Variants in PI16 observed in about 807,000 individuals in gnomAD.
PI16 encodes PSP94-binding protein.
In PI16, 35 loss-of-function variants were observed where a neutral mutation model predicts 38.0. That is an observed-to-expected ratio of 0.92 (90% CI 0.70 to 1.22). PI16 has a LOEUF of 1.22. PI16 is among the 50% of genes most tolerant of loss of function. The pLI is 0.00. For missense variants in PI16, 572 were observed against 593.8 expected, an observed-to-expected ratio of 0.96 and a Z score of 0.38; for synonymous variants, 275 against 252.9, an observed-to-expected ratio of 1.09 and a Z score of -0.83.
At position 36,959,371 on chromosome 6, in the gene PI16, G is replaced by T. The variant is rs940580219; in HGVS notation, c.393+5G>T. ...ATGTGCGGCCACTACACGCAGGTGT[G>T]GGCCCGGCGGGCGAGGCGGGGCGGA... On this transcript the variant is annotated splice_donor_5th_base_variant and intron_variant, in intron 2 of 6. Transcript: ENST00000373674. 1.6e-5 allele frequency: 24 copies of T among 1,545,454 alleles called. No individual in the cohort carries two copies. The highest frequency in any genetic ancestry group is 2.0e-5 in the Admixed American group (1 of 51,034).
chr6:36,956,720 T>C (rs1035286517), intron 1 of PI16, among the ~76,000 whole-genome samples: 1 of 152,234 alleles, frequency 6.6e-6, no homozygotes, highest in Admixed American at 6.5e-5. Context: ...AGTGGGATAA[T>C]TCCCTTGTAG....
intron 5 of PI16, 64 bp downstream of exon 5, chr6:36,963,676 C>T: frequency 1.3e-6 from 2 of 1,574,676 alleles, no homozygotes; most frequent in South Asian, 1.2e-5. Context: ...CCTGCCCCAG[C>T]ATAGGTGGTA....
In PI16 at chr6:36,963,875, T is replaced by G. The variant is rs1290861909; in HGVS notation, c.1323T>G (p.Pro441=). ...PSVVSGLNSG[P]GHVWGPLLGL... ...TCGTGTCAGGGCTGAACTCGGGCCC[T>G]GGTCATGTGTGGGGCCCTCTCCTGG... Residue 441 remains proline, a synonymous_variant, in exon 6 of 7, where the codon CCT becomes CCG. Transcript: ENST00000373674. 2 of 1,613,576 alleles carry G rather than the reference T, an allele frequency of 1.2e-6. No homozygotes were observed. Among genetic ancestry groups the G allele is most frequent in the Non-Finnish European group, 1.7e-6 (2 of 1,179,810 alleles).
chr6:36,955,829 G>T (rs1238937812), intron 1 of PI16, among the ~76,000 whole-genome samples: 1 of 152,286 alleles, frequency 6.6e-6, no homozygotes, highest in East Asian at 1.9e-4. Context: ...AGGGTGAGAG[G>T]CGGGCTGTCT....
chr6:36,961,394 A>T, intron 2 of PI16, 57 bp from the exon 3 acceptor site: 2 of 1,481,878 alleles, frequency 1.3e-6, no homozygotes, highest in Non-Finnish European at 9.4e-7. Flanking sequence ...GTGGGATGCC[A>T]GGAAGGCACC....
At chr6:36,955,322 T>C (rs1290577994) in intron 1 of PI16, among the ~76,000 whole-genome samples, 2 of 152,138 alleles carry the variant, frequency 1.3e-5, no homozygotes, top group African/African-American at 4.8e-5. Context: ...GGGAAGTTCT[T>C]AACACCTTTG....
intron 1 of PI16, among the ~76,000 whole-genome samples, chr6:36,956,594 TG>T (rs1468828254): frequency 1.3e-5 from 2 of 152,254 alleles, no homozygotes; most frequent in Admixed American, 6.5e-5. Context: ...GCAGGGACTC[TG>T]CAGCCAAATG....
chr6:36,956,226 G>C (rs1258153249), intron 1 of PI16, among the ~76,000 whole-genome samples: 1 of 152,200 alleles, frequency 6.6e-6, no homozygotes, highest in Non-Finnish European at 1.5e-5. Flanking sequence ...GTTCACAGCT[G>C]TGCCAGCCTG....
At chr6:36,957,342 G>A (rs927921697) in intron 1 of PI16, among the ~76,000 whole-genome samples, 29 of 152,288 alleles carry the variant, frequency 1.9e-4, no homozygotes, top group African/African-American at 6.7e-4. Context: ...CCCTCCAGCT[G>A]ACTAATGCCT....
intron 1 of PI16, among the ~76,000 whole-genome samples, chr6:36,957,440 A>T (rs894943954): frequency 1.3e-5 from 2 of 152,146 alleles, no homozygotes; most frequent in African/African-American, 4.8e-5. Context: ...TACTTGTGGC[A>T]CATCTGTCAT....
At position 36,962,564 on chromosome 6, in the gene PI16, C is replaced by T. The variant is rs1041047572; in HGVS notation, c.593-371C>T. Among the ~76,000 whole-genome samples, 1 of 152,080 alleles carries T rather than the reference C, an allele frequency of 6.6e-6. No individual in the cohort carries two copies. Among genetic ancestry groups the T allele is most frequent in the Non-Finnish European group, 1.5e-5 (1 of 68,022 alleles). Reference sequence around the variant, plus strand: ...CTCGGCTCACCTGCAACCTCCGCCTCCCGGTTTGAAGCAATTCTCCTGCCT... The same window carrying T: ...CTCGGCTCACCTGCAACCTCCGCCTTCCGGTTTGAAGCAATTCTCCTGCCT... On this transcript the variant is annotated intron_variant, in intron 4 of 6. Coordinates refer to ENST00000373674, the MANE Select transcript of PI16 (RefSeq NM_153370.3). This position sits in a 1 kb window ranked among gnomAD's most constrained non-coding sequence, Gnocchi z 4.1.
chr6:36,963,364 T>C lies in PI16; in HGVS notation c.1022T>C (p.Met341Thr). 6.2e-7 allele frequency: 1 copy of C among 1,614,198 alleles called. No individual in the cohort carries two copies. The highest frequency in any genetic ancestry group is 8.5e-7 in the Non-Finnish European group (1 of 1,180,030). ...CCAGAGAACTCTCTGGACCCCAAGA[T>C]GTCCCTGACAGGGGCAAGGGAACTC... Reference protein sequence around the residue: ...RSPENSLDPKMSLTGARELLP... With the variant: ...RSPENSLDPKTSLTGARELLP... The change falls in exon 5 of 7, where the codon ATG becomes ACG. Residue 341 changes from methionine (M) to threonine (T), a missense_variant. Coordinates refer to ENST00000373674, the MANE Select transcript of PI16 (RefSeq NM_153370.3).
At position 36,959,332 on chromosome 6, in the gene PI16, G is replaced by A. The variant is rs866232050; in HGVS notation, c.359G>A (p.Cys120Tyr). ...CACTACAACCTCAGCGCCGCCACCT[G>A]CAGCCCAGGCCAGATGTGCGGCCAC... is the stretch of plus-strand genomic sequence containing the variant. ...REHYNLSAAT[C>Y]SPGQMCGHYT... The change falls in exon 2 of 7, where the codon TGC becomes TAC. Residue 120 changes from cysteine to tyrosine, a missense_variant. Physicochemically the swap from Cys to Tyr is radical, Grantham distance 194. Transcript: ENST00000373674. 1 of 1,569,514 alleles carries A rather than the reference G, an allele frequency of 6.4e-7. No individual in the cohort carries two copies. The highest frequency in any genetic ancestry group is 1.3e-5 in the African/African-American group (1 of 74,162).
upstream of PI16, among the ~76,000 whole-genome samples, chr6:36,950,473 G>T (rs1763081027): frequency 6.6e-6 from 1 of 151,264 alleles, no homozygotes; most frequent in African/African-American, 2.4e-5. This position sits in a 1 kb window ranked among gnomAD's most constrained non-coding sequence, Gnocchi z 4.2. Flanking sequence ...CATTTGGGTT[G>T]TTTCCACCTT....
chr6:36,954,910 G>A lies in PI16; in HGVS notation c.150G>A (p.Thr50=), dbSNP rs756839607. Residue 50 remains threonine (T), a synonymous_variant, in exon 1 of 7, where the codon ACG becomes ACA. Coordinates refer to ENST00000373674, the MANE Select transcript of PI16 (RefSeq NM_153370.3). ...HNLYRAQVSP[T]ASDMLHMRWD... ...TCTACCGGGCCCAGGTATCCCCGACGGCCTCAGACATGCTGCACATGGTAA... is the reference window on the plus strand; with the variant it reads ...TCTACCGGGCCCAGGTATCCCCGACAGCCTCAGACATGCTGCACATGGTAA... 126 of 1,613,154 alleles carry A rather than the reference G, an allele frequency of 7.8e-5. No individual in the cohort carries two copies. The highest frequency in any genetic ancestry group is 1.2e-4 in the South Asian group (11 of 91,032).
chr6:36,953,109 A>C (rs1192074566), upstream of PI16, among the ~76,000 whole-genome samples: 16 of 152,146 alleles, frequency 1.1e-4, no homozygotes, highest in Non-Finnish European at 2.4e-4. Flanking sequence ...CACGAGGTCA[A>C]GAGATCAAGA....
At position 36,961,898 on chromosome 6, in the gene PI16, G is replaced by A. The variant is rs754152475; in HGVS notation, c.516G>A (p.Lys172=). The change falls in exon 4 of 7, where the codon AAG becomes AAA. Residue 172 remains lysine (K), a synonymous_variant. Coordinates refer to ENST00000373674, the MANE Select transcript of PI16 (RefSeq NM_153370.3). ...TGACCTCCTGTAGGGGGAACGTGAA[G>A]GGGAAACGGCCCTACCAGGAGGGGA... ...VCNYEPPGNV[K]GKRPYQEGTP... 3 of 1,614,062 alleles carry A rather than the reference G, an allele frequency of 1.9e-6. No homozygotes were observed. The highest frequency in any genetic ancestry group is 2.2e-5 in the South Asian group (2 of 91,082).
intron 1 of PI16, among the ~76,000 whole-genome samples, chr6:36,955,405 G>A (rs545997577): frequency 3.2e-4 from 49 of 152,304 alleles, no homozygotes; most frequent in African/African-American, 1.1e-3. Context: ...GCGTGGGCAC[G>A]TGGAGTAGGA....
chr6:36,949,423 C>G (rs983365258), intron 1 of PI16, among the ~76,000 whole-genome samples: 1 of 152,150 alleles, frequency 6.6e-6, no homozygotes, highest in African/African-American at 2.4e-5. Flanking sequence ...CGCCCGGTCA[C>G]TAAGTCCCCT....
Sources: gnomAD v4.1 joint callset for allele counts (sites outside exome capture counted in the v4.1 genomes callset) on GRCh38, gnomAD v4.1.1 for gene constraint, Gnocchi (gnomAD v3.1) non-coding constraint, MANE v1.5 for transcripts, NCBI Gene and HGNC (gene_info 2026-07-23, HGNC 2026-07-21) for gene names.